WDR27: variants seen among roughly 807,000 people sequenced by gnomAD.
The protein encoded by WDR27 is WD repeat-containing protein 27.
WDR27 carries 100 observed loss-of-function variants against 114.4 expected under a neutral mutation model. The ratio of observed to expected loss-of-function variants is 0.87; its 90% CI spans 0.74 to 1.03. WDR27 has a LOEUF of 1.03. WDR27 is among the 50% of genes least tolerant of loss of function. The pLI is 0.00. For missense variants in WDR27, 1,129 were observed against 1,092.9 expected (o/e 1.03, Z -0.47); for synonymous variants, 449 against 423.1 (o/e 1.06, Z -0.75).
At position 169,636,507 on chromosome 6, in the gene WDR27, G is replaced by C. The variant is rs372070139; in HGVS notation, c.1870-3C>G. ...GGTTTAGAAAACATGTCTTTGCCCT[G>C]TAATGCAAATCAGTAATTACTGTCA... On this transcript the variant is annotated splice_region_variant and splice_polypyrimidine_tract_variant and intron_variant, in intron 18 of 25. Coordinates refer to ENST00000448612, the MANE Select transcript of WDR27 (RefSeq NM_182552.5). 1.9e-6 allele frequency: 3 copies of C among 1,596,658 alleles called. No individual in the cohort carries two copies. The highest frequency in any genetic ancestry group is 2.6e-6 in the Non-Finnish European group (3 of 1,172,418).
At chr6:169,439,144 T>C in the WDR27 span, among the ~76,000 whole-genome samples, 3 of 152,278 alleles carry the variant, frequency 2.0e-5, no homozygotes, top group South Asian at 2.1e-4. Flanking sequence ...ATTCGATGGG[T>C]TGTATAAAGG....
chr6:169,588,888 T>C (rs1805156421), intron 23 of WDR27, among the ~76,000 whole-genome samples: 1 of 152,224 alleles, frequency 6.6e-6, no homozygotes, highest in East Asian at 1.9e-4. Context: ...CATTTTTTTA[T>C]TGAGGAAACC....
chr6:169,535,360 A>G (rs1025399009), intron 25 of WDR27, among the ~76,000 whole-genome samples: 6 of 152,172 alleles, frequency 3.9e-5, no homozygotes, highest in Non-Finnish European at 8.8e-5. Context: ...CCCTTTCCAC[A>G]GTTTTACGAC....
Position 169,652,805 on chromosome 6 carries a change from T to C in WDR27, c.1403-797A>G, listed in dbSNP as rs143858342. Among the ~76,000 whole-genome samples, 299 of 152,390 alleles carry C rather than the reference T, an allele frequency of 2.0e-3. 2 individuals carry two copies. The highest frequency in any genetic ancestry group is 0.014 in the Middle Eastern group (4 of 294). On this transcript the variant is annotated intron_variant, in intron 13 of 25. Transcript: ENST00000448612. ...TTAAAACTATTTATATAATTGTTCT[T>C]ACTGAAGGTTTTGTTCTAAACTCTA...
At chr6:169,530,647 C>T (rs1046144624) in intron 25 of WDR27, among the ~76,000 whole-genome samples, 6 of 152,122 alleles carry the variant, frequency 3.9e-5, no homozygotes, top group South Asian at 2.1e-4. Flanking sequence ...TGGAGGTGGC[C>T]GATGTTTATG....
chr6:169,458,563 G>A (rs1261004063), intron 25 of WDR27, among the ~76,000 whole-genome samples: 1 of 152,114 alleles, frequency 6.6e-6, no homozygotes, highest in East Asian at 1.9e-4. Flanking sequence ...GTCCAAGGTG[G>A]GTGGATCACT....
chr6:169,623,168 G>A (rs1026175094), intron 21 of WDR27, among the ~76,000 whole-genome samples: 1 of 151,936 alleles, frequency 6.6e-6, no homozygotes, highest in African/African-American at 2.4e-5. Context: ...TACCCCACCC[G>A]ATCAATAAAC....
intron 25 of WDR27, among the ~76,000 whole-genome samples, chr6:169,530,504 C>T (rs1795457382): frequency 6.6e-6 from 1 of 152,228 alleles, no homozygotes; most frequent in Non-Finnish European, 1.5e-5. Flanking sequence ...ACCTCTGCTC[C>T]TCAGTATGCA....
intron 4 of WDR27, chr6:169,669,986 C>T (rs1778265436): frequency 6.6e-6 from 1 of 151,986 alleles, no homozygotes; most frequent in Non-Finnish European, 1.5e-5. Context: ...CGACCCCAGG[C>T]CTGGGGTCAC....
intron 25 of WDR27, among the ~76,000 whole-genome samples, chr6:169,563,577 G>A (rs992271605): frequency 6.6e-6 from 1 of 152,182 alleles, no homozygotes; most frequent in African/African-American, 2.4e-5. Flanking sequence ...AGGAGGCTGC[G>A]TGGAACTGTG....
intron 25 of WDR27, among the ~76,000 whole-genome samples, chr6:169,468,043 G>A (rs1390817264): frequency 6.6e-6 from 1 of 152,174 alleles, no homozygotes; most frequent in Non-Finnish European, 1.5e-5. Context: ...CAAGTTTAAA[G>A]TTCCATAGAT....
In WDR27 at chr6:169,605,108, C is replaced by CAAA. The variant is rs59884264; in HGVS notation, c.2322-2790_2322-2788dup. On this transcript the variant is annotated intron_variant, in intron 22 of 25. Coordinates refer to ENST00000448612, the MANE Select transcript of WDR27 (RefSeq NM_182552.5). ...AGAAGTCCTAGCCAGAGCAATTAGG[C>CAAA]AAAAAAAAAAAAAAAAGTTTTTTTT... 3.4e-4 allele frequency among the ~76,000 whole-genome samples: 26 copies of CAAA among 76,170 alleles called. 1 individual carries two copies. The highest frequency in any genetic ancestry group is 9.4e-4 in the African/African-American group (16 of 16,966). The allele number at this position is 76,170 out of a possible 152,430, so 50.0% of individuals were successfully genotyped here.
At chr6:169,693,462 A>T (rs776920284) in intron 1 of WDR27, among the ~76,000 whole-genome samples, 1 of 152,210 alleles carries the variant, frequency 6.6e-6, no homozygotes, top group Non-Finnish European at 1.5e-5. Flanking sequence ...TAACATAATG[A>T]ATAGAGCAGT....
At chr6:169,660,491 CCTT>C (rs1825770535) in intron 10 of WDR27, among the ~76,000 whole-genome samples, 169 bp downstream of exon 10, 1 of 152,154 alleles carries the variant, frequency 6.6e-6, no homozygotes, top group East Asian at 1.9e-4. Flanking sequence ...GGGCCCTCGT[CCTT>C]CGGATCCAGC....
At chr6:169,469,306 G>A (rs1325351069) in intron 25 of WDR27, among the ~76,000 whole-genome samples, 1 of 152,178 alleles carries the variant, frequency 6.6e-6, no homozygotes, top group African/African-American at 2.4e-5. Context: ...AATTACAATG[G>A]TAGGACAGGC....
chr6:169,506,976 T>A (rs565563143), intron 25 of WDR27, among the ~76,000 whole-genome samples: 23 of 152,346 alleles, frequency 1.5e-4, no homozygotes, highest in African/African-American at 5.3e-4. Context: ...TTTAGATGCA[T>A]CTATATAAGG....
the WDR27 span, among the ~76,000 whole-genome samples, chr6:169,438,648 C>T: frequency 6.6e-6 from 1 of 152,208 alleles, no homozygotes; most frequent in Non-Finnish European, 1.5e-5. Context: ...GACACATACT[C>T]TCGCAGTATC....
intron 25 of WDR27, among the ~76,000 whole-genome samples, chr6:169,542,097 T>G (rs1409137608): frequency 6.6e-6 from 1 of 152,148 alleles, no homozygotes; most frequent in African/African-American, 2.4e-5. Flanking sequence ...CATAATTTAT[T>G]TTTAAAGGTG....
chr6:169,643,090 A>T (rs977242601), intron 17 of WDR27, among the ~76,000 whole-genome samples: 6 of 152,348 alleles, frequency 3.9e-5, no homozygotes, highest in African/African-American at 1.2e-4. Context: ...GTATAAAAAC[A>T]GAAGGACTAG....
Sources: gnomAD v4.1 joint callset for allele counts (sites outside exome capture counted in the v4.1 genomes callset) on GRCh38, gnomAD v4.1.1 for gene constraint, MANE v1.5 for transcripts, NCBI Gene and HGNC (gene_info 2026-07-23, HGNC 2026-07-21) for gene names.